ANXA8: variants seen among roughly 807,000 people sequenced by gnomAD.
The protein encoded by ANXA8 is VAC-beta.
In ANXA8, 9 loss-of-function variants were observed where a neutral mutation model predicts 26.8. That is an observed-to-expected ratio of 0.34 (90% CI 0.20 to 0.59). The LOEUF is 0.59. Among genes scored for constraint, ANXA8 ranks in the 20% least tolerant of loss-of-function variants. ANXA8 has a pLI of 0.84. For missense variants in ANXA8, 83 were observed against 238.5 expected (o/e 0.35, Z 4.29); for synonymous variants, 39 against 94.8 (o/e 0.41, Z 3.42).
the ANXA8 span, chr10:47,763,189 G>C: frequency 6.1e-6 from 6 of 989,332 alleles, no homozygotes; most frequent in Non-Finnish European, 7.2e-6. Context: ...TGGAGTCTCC[G>C]CGCGGGTCCC....
rs1298413184 is a variant in ANXA8, at chr10:47,483,809, T to A, written c.21+104A>T. 5.2e-5 allele frequency: 84 copies of A among 1,610,300 alleles called. 1 individual carries two copies. The Middle Eastern group carries it at 6.8e-4, about 13-fold the overall frequency. ...GCCCAGGAGGCAGCCAAATGTAGACTGAGCCACTCCCAGCCAAGGGCGACT... is the reference window on the plus strand; with the variant it reads ...GCCCAGGAGGCAGCCAAATGTAGACAGAGCCACTCCCAGCCAAGGGCGACT... On this transcript the variant is annotated intron_variant, in intron 1 of 11. Coordinates refer to ENST00000585281, the MANE Select transcript of ANXA8 (RefSeq NM_001040084.3).
the ANXA8 span, among the ~76,000 whole-genome samples, chr10:47,497,319 C>CAA: frequency 0.012 from 1,098 of 92,720 alleles, no homozygotes; most frequent in African/African-American, 0.042. Context: ...AAGTCCATCA[C>CAA]AAAAAAAAAA....
At chr10:47,668,825 C>T in the ANXA8 span, among the ~76,000 whole-genome samples, 1 of 151,418 alleles carries the variant, frequency 6.6e-6, no homozygotes, top group East Asian at 1.9e-4. Flanking sequence ...CTCTTAGTAC[C>T]TCATTGGTAC....
chr10:47,529,193 A>G, the ANXA8 span, among the ~76,000 whole-genome samples: 1 of 143,504 alleles, frequency 7.0e-6, no homozygotes, highest in African/African-American at 2.5e-5. Flanking sequence ...CTTTGCAAGC[A>G]TATATGAAAA....
the ANXA8 span, among the ~76,000 whole-genome samples, chr10:47,714,694 C>A: frequency 7.6e-5 from 1 of 13,150 alleles, no homozygotes; most frequent in African/African-American, 3.5e-4. Flanking sequence ...CTGGCTAACA[C>A]AGTGAAACCC....
chr10:47,611,662 T>C, the ANXA8 span, among the ~76,000 whole-genome samples: 2 of 65,816 alleles, frequency 3.0e-5, 1 homozygote, highest in African/African-American at 8.4e-5. Flanking sequence ...CACTATATAA[T>C]TATTATGTGT....
chr10:47,940,201 C>T, the ANXA8 span, among the ~76,000 whole-genome samples: 2 of 150,192 alleles, frequency 1.3e-5, no homozygotes, highest in South Asian at 4.2e-4. Flanking sequence ...GCAAGAGAGT[C>T]TCCATCTTTT....
At chr10:47,945,392 G>T in the ANXA8 span, among the ~76,000 whole-genome samples, 1 of 150,788 alleles carries the variant, frequency 6.6e-6, no homozygotes, top group Non-Finnish European at 1.5e-5. Context: ...TCTTCAGAGG[G>T]CCTTACCCTG....
chr10:47,540,753 C>T, the ANXA8 span, among the ~76,000 whole-genome samples: 7 of 132,366 alleles, frequency 5.3e-5, no homozygotes, highest in East Asian at 3.0e-4. Context: ...TGGAATAAAA[C>T]GCAAGTGCAT....
chr10:47,653,522 T>C, the ANXA8 span, among the ~76,000 whole-genome samples: 1 of 151,724 alleles, frequency 6.6e-6, no homozygotes, highest in Non-Finnish European at 1.5e-5. Flanking sequence ...TGGAAGAGAC[T>C]TAGTGGGAAA....
chr10:47,772,559 G>A, the ANXA8 span, among the ~76,000 whole-genome samples: 1 of 152,080 alleles, frequency 6.6e-6, no homozygotes, highest in African/African-American at 2.4e-5. Context: ...AGAAATGGCT[G>A]TCAATGCCAC....
At chr10:47,498,986 C>A in the ANXA8 span, among the ~76,000 whole-genome samples, 1 of 139,676 alleles carries the variant, frequency 7.2e-6, no homozygotes, top group South Asian at 2.2e-4. Flanking sequence ...CCTGTAATCC[C>A]AGTTACTCGG....
chr10:47,720,413 A>G, the ANXA8 span, among the ~76,000 whole-genome samples: 1 of 146,950 alleles, frequency 6.8e-6, no homozygotes, highest in Non-Finnish European at 1.5e-5. Flanking sequence ...GGCTAAAAGT[A>G]TCATATGATG....
the ANXA8 span, chr10:47,538,690 G>C: frequency 7.5e-6 from 1 of 133,112 alleles, no homozygotes; most frequent in Admixed American, 7.8e-5. Flanking sequence ...TTGCTATGTT[G>C]CCCAGGCGGG....
At chr10:47,950,796 C>A in the ANXA8 span, among the ~76,000 whole-genome samples, 1 of 150,986 alleles carries the variant, frequency 6.6e-6, no homozygotes, top group Non-Finnish European at 1.5e-5. Flanking sequence ...AGAATTAGAA[C>A]ACAGACTATC....
the ANXA8 span, among the ~76,000 whole-genome samples, chr10:47,978,130 A>T: frequency 6.6e-6 from 1 of 152,116 alleles, no homozygotes; most frequent in Non-Finnish European, 1.5e-5. Flanking sequence ...CTTCTTATCA[A>T]AACCATTCAG....
At chr10:47,657,122 ATCAAAGATATTG>A in the ANXA8 span, among the ~76,000 whole-genome samples, 6 of 151,184 alleles carry the variant, frequency 4.0e-5, no homozygotes, top group Admixed American at 2.0e-4. Context: ...CTTCCCAGGA[ATCAAAGATATTG>A]TCACCACCAC....
At chr10:47,954,453 G>A in the ANXA8 span, among the ~76,000 whole-genome samples, 1 of 150,998 alleles carries the variant, frequency 6.6e-6, no homozygotes, top group Non-Finnish European at 1.5e-5. Context: ...CAAAAGTAGA[G>A]TTAAATACAA....
At chr10:47,498,253 T>C in the ANXA8 span, among the ~76,000 whole-genome samples, 1 of 149,580 alleles carries the variant, frequency 6.7e-6, no homozygotes, top group African/African-American at 2.4e-5. Flanking sequence ...GAACACCGTA[T>C]TTGTCTTTTT....
Sources: allele counts gnomAD v4.1 joint callset (sites outside exome capture counted in the v4.1 genomes callset), GRCh38; gene constraint gnomAD v4.1.1; transcripts MANE v1.5; gene names NCBI Gene and HGNC (gene_info 2026-07-23, HGNC 2026-07-21).